Variants in TMEM130 observed in about 807,000 individuals in gnomAD.
TMEM130 encodes the protein transmembrane protein 130.
In TMEM130, 37 loss-of-function variants were observed where a neutral mutation model predicts 42.9. The observed-to-expected ratio is 0.86, with a 90% CI of 0.66 to 1.13. The LOEUF (loss-of-function observed/expected upper bound fraction) is 1.13. Ranked by LOEUF, TMEM130 falls within the 50% of genes most tolerant of loss-of-function variation. The pLI, the probability that TMEM130 is intolerant of heterozygous loss-of-function variation, is 0.00. For missense variants in TMEM130, 545 were observed against 562.6 expected, an observed-to-expected ratio of 0.97 and a Z score of 0.32; for synonymous variants, 259 against 237.7, an observed-to-expected ratio of 1.09 and a Z score of -0.82.
chr7:98,854,364 G>A (rs1210665574), intron 5 of TMEM130, among the ~76,000 whole-genome samples: 1 of 150,536 alleles, frequency 6.6e-6, no homozygotes, highest in Non-Finnish European at 1.5e-5. Flanking sequence ...CTCAACAGGA[G>A]GGATCCCTCC....
rs782686565 is a variant in TMEM130, at chr7:98,856,077, C to T, written c.658G>A (p.Asp220Asn). 6.2e-7 allele frequency: 1 copy of T among 1,613,780 alleles called. No homozygotes were observed. The highest frequency in any genetic ancestry group is 1.7e-5 in the Admixed American group (1 of 59,988). Reference sequence around the variant, plus strand: ...TTCTGCTTCACAGCCCTCGTGGCATCCGGCTCCACCTCTTCCCACTCCGCC... The same window carrying T: ...TTCTGCTTCACAGCCCTCGTGGCATTCGGCTCCACCTCTTCCCACTCCGCC... ...VVAEWEEVEP[D>N]ATRAVKQKTG... The change falls in exon 4 of 8, where the codon GAT becomes AAT. Residue 220 changes from aspartate (D) to asparagine (N), a missense_variant. By Grantham distance (23) the Asp-to-Asn change is conservative. Coordinates refer to ENST00000339375, the MANE Select transcript of TMEM130 (RefSeq NM_152913.3).
In TMEM130 at chr7:98,869,090, C is replaced by T; in HGVS notation, c.85+687G>A. On this transcript the variant is annotated intron_variant, in intron 1 of 7. Coordinates refer to ENST00000339375, the MANE Select transcript of TMEM130 (RefSeq NM_152913.3). This position sits in a 1 kb window ranked among gnomAD's most constrained non-coding sequence, Gnocchi z 4.7. Reference sequence around the variant, plus strand: ...CCTCGAATAGTCTTAAATCTGGGTCCTTTTATGGTTCCCAAAATGTGGCAG... The same window carrying T: ...CCTCGAATAGTCTTAAATCTGGGTCTTTTTATGGTTCCCAAAATGTGGCAG... The T allele has an allele frequency of 2.9e-6, 3 of 1,044,854 alleles. No homozygotes were observed. Among genetic ancestry groups the T allele is most frequent in the Non-Finnish European group, 3.7e-6 (3 of 802,898 alleles). The allele number at this position is 1,044,854 out of a possible 1,614,324, so 64.7% of individuals were successfully genotyped here.
chr7:98,851,545 C>G lies in TMEM130; in HGVS notation c.882G>C (p.Val294=). 6.2e-7 allele frequency: 1 copy of G among 1,614,086 alleles called. No homozygotes were observed. The highest frequency in any genetic ancestry group is 8.5e-7 in the Non-Finnish European group (1 of 1,180,032). The change falls in exon 6 of 8, where the codon GTG becomes GTC. Residue 294 remains valine (V), a synonymous_variant. Coordinates refer to ENST00000339375, the MANE Select transcript of TMEM130 (RefSeq NM_152913.3). ...LEEGECHPVS[V]ASTAYNLTHT... is the part of the protein sequence containing the mutation. Reference sequence around the variant, plus strand: ...GGGTCAGGTTGTACGCTGTGCTGGCCACGGACACAGGGTGGCACTCCCCTT... The same window carrying G: ...GGGTCAGGTTGTACGCTGTGCTGGCGACGGACACAGGGTGGCACTCCCCTT...
intron 1 of TMEM130, among the ~76,000 whole-genome samples, chr7:98,865,635 T>A (rs911963855): frequency 1.6e-4 from 24 of 152,248 alleles, no homozygotes; most frequent in Non-Finnish European, 3.4e-4. Context: ...AAAGGCCAAC[T>A]ATTTGACCTT....
chr7:98,863,394 T>C lies in TMEM130; in HGVS notation c.92A>G (p.Tyr31Cys), dbSNP rs377677995. Reference sequence around the variant, plus strand: ...GCTATCGGTGGTGAGATTGAGTTCATACAGGCCTAGGAGCCCAGAAACAAA... The same window carrying C: ...GCTATCGGTGGTGAGATTGAGTTCACACAGGCCTAGGAGCCCAGAAACAAA... ...WAPAGVAAGL[Y>C]ELNLTTDSPA... Residue 31 changes from tyrosine (Y) to cysteine (C), a missense_variant, in exon 2 of 8, where the codon TAT becomes TGT. Coordinates refer to ENST00000339375, the MANE Select transcript of TMEM130 (RefSeq NM_152913.3). 14 of 1,587,430 alleles carry C rather than the reference T, an allele frequency of 8.8e-6. No individual in the cohort carries two copies. The highest frequency in any genetic ancestry group is 2.2e-5 in the East Asian group (1 of 44,656).
chr7:98,861,483 G>A (rs975703520), intron 2 of TMEM130, among the ~76,000 whole-genome samples: 5 of 152,206 alleles, frequency 3.3e-5, no homozygotes, highest in African/African-American at 1.2e-4. Flanking sequence ...GGGAGACTGA[G>A]GTGGGCAGAT....
rs782243732 is a variant in TMEM130 at position 98,848,220 on chromosome 7, T to G, written c.1120-12A>C. 1.1e-5 allele frequency: 18 copies of G among 1,613,614 alleles called. No individual in the cohort carries two copies. The African/African-American group carries it at 2.0e-4, about 18-fold the overall frequency. Reference sequence around the variant, plus strand: ...GGTGGCTCCGGGTTCTTGTCAGACATGGGGGAAAAGTCAAAATCAGCCACC... The same window carrying G: ...GGTGGCTCCGGGTTCTTGTCAGACAGGGGGGAAAAGTCAAAATCAGCCACC... On this transcript the variant is annotated splice_polypyrimidine_tract_variant and intron_variant, in intron 7 of 7. Coordinates refer to ENST00000339375, the MANE Select transcript of TMEM130 (RefSeq NM_152913.3).
intron 1 of TMEM130, among the ~76,000 whole-genome samples, chr7:98,865,640 G>C (rs782043403): frequency 6.6e-6 from 1 of 152,038 alleles, no homozygotes; most frequent in Non-Finnish European, 1.5e-5. Context: ...CCAACTATTT[G>C]ACCTTGTGGT....
chr7:98,869,236 G>A lies in TMEM130; in HGVS notation c.85+541C>T, dbSNP rs782138152. Reference sequence around the variant, plus strand: ...AACCTGTCAGCTCCGGGTCCATTTTGGAAATCACCACCAGAGAGGAAATGG... The same window carrying A: ...AACCTGTCAGCTCCGGGTCCATTTTAGAAATCACCACCAGAGAGGAAATGG... On this transcript the variant is annotated intron_variant, in intron 1 of 7. Transcript: ENST00000339375. This position sits in a 1 kb window ranked among gnomAD's most constrained non-coding sequence, Gnocchi z 4.7. The A allele has an allele frequency of 3.9e-6, 5 of 1,288,770 alleles. No individual in the cohort carries two copies. The highest frequency in any genetic ancestry group is 4.0e-6 in the Non-Finnish European group (4 of 988,698). 79.8% of individuals were successfully genotyped at this position (1,288,770 alleles called of 1,614,324 possible).
chr7:98,861,105 C>T lies in TMEM130; in HGVS notation c.392-767G>A, dbSNP rs530883547. ...ATCCCAACACTTTGGGAGGCCAACA[C>T]GGGCAGATCACGAGGTCAGGAGATC... On this transcript the variant is annotated intron_variant, in intron 2 of 7. Coordinates refer to ENST00000339375, the MANE Select transcript of TMEM130 (RefSeq NM_152913.3). 6.7e-5 allele frequency among the ~76,000 whole-genome samples: 10 copies of T among 149,774 alleles called. 1 individual carries two copies. Among genetic ancestry groups the T allele is most frequent in the African/African-American group, 2.2e-4 (9 of 40,716 alleles).
At position 98,848,343 on chromosome 7, in the gene TMEM130, A is replaced by T. The variant is rs1280662195; in HGVS notation, c.1120-135T>A. The T allele has an allele frequency of 2.9e-6, 3 of 1,047,520 alleles. No individual in the cohort carries two copies. The African/African-American group carries it at 4.8e-5, about 17-fold the overall frequency. The allele number at this position is 1,047,520 out of a possible 1,614,324, so 64.9% of individuals were successfully genotyped here. ...CTGCCTGGTGGCAGAGTGCACAGAA[A>T]CACCTTTCTGGCACCACACAGATGC... On this transcript the variant is annotated intron_variant, in intron 7 of 7. Transcript: ENST00000339375.
intron 5 of TMEM130, among the ~76,000 whole-genome samples, chr7:98,851,868 C>T (rs1033587578): frequency 6.6e-6 from 1 of 152,156 alleles, no homozygotes; most frequent in Non-Finnish European, 1.5e-5. Context: ...AGACTGCTCA[C>T]TGGAGGCAGG....
intron 1 of TMEM130, among the ~76,000 whole-genome samples, chr7:98,865,239 C>T (rs782627922): frequency 7.0e-4 from 106 of 152,202 alleles, no homozygotes; most frequent in Non-Finnish European, 1.2e-3. Context: ...CCATCCCTAC[C>T]GTGTTGGGAG....
At chr7:98,850,273 A>ATATATTTTTTTTTTTTTTTTTTT in intron 6 of TMEM130, among the ~76,000 whole-genome samples, 24 of 35,442 alleles carry the variant, frequency 6.8e-4, no homozygotes, top group African/African-American at 1.7e-3. Context: ...ATATATATAT[A>ATATATTTTTTTTTTTTTTTTTTT]TTTTTTTTTT....
chr7:98,855,530 G>C (rs1300801814), intron 4 of TMEM130, among the ~76,000 whole-genome samples: 1 of 152,220 alleles, frequency 6.6e-6, no homozygotes, highest in African/African-American at 2.4e-5. Flanking sequence ...AGGAAAGTAG[G>C]AAAGGCAGGC....
intron 1 of TMEM130, among the ~76,000 whole-genome samples, chr7:98,864,334 T>C (rs1201894924): frequency 6.6e-6 from 1 of 151,686 alleles, no homozygotes. Flanking sequence ...GCCTGCCAAG[T>C]AGCTGTGACT....
rs183820972 is a variant in TMEM130, at chr7:98,862,865, T to C, written c.391+230A>G. 7.9e-5 allele frequency among the ~76,000 whole-genome samples: 12 copies of C among 152,296 alleles called. No homozygotes were observed. In the East Asian group the frequency reaches 2.3e-3, roughly 29 times the overall value. On this transcript the variant is annotated intron_variant, in intron 2 of 7. Transcript: ENST00000339375. ...GTCGCTCTCCACAGGGTTGTATTAA[T>C]GTATACCCTCAGCAGCAATAGGCGT...
chr7:98,863,444 G>T, intron 1 of TMEM130, 44 bp from the exon 2 acceptor site: 2 of 1,499,318 alleles, frequency 1.3e-6, no homozygotes, highest in Non-Finnish European at 1.8e-6. Context: ...ATGGTGTGTG[G>T]CAAGGAGCCC....
At position 98,869,664 on chromosome 7, in the gene TMEM130, G is replaced by T. The variant is rs1204254575; in HGVS notation, c.85+113C>A. 1 of 779,508 alleles carries T rather than the reference G, an allele frequency of 1.3e-6. No individual in the cohort carries two copies. Among genetic ancestry groups the T allele is most frequent in the African/African-American group, 1.8e-5 (1 of 54,744 alleles). 48.3% of individuals were successfully genotyped at this position (779,508 alleles called of 1,614,324 possible). Reference sequence around the variant, plus strand: ...AGCCGAGGAGGGAGATGCGCGCAGGGCGCACGGTGCCACCTCCGCAATCCC... The same window carrying T: ...AGCCGAGGAGGGAGATGCGCGCAGGTCGCACGGTGCCACCTCCGCAATCCC... On this transcript the variant is annotated intron_variant, in intron 1 of 7. Coordinates refer to ENST00000339375, the MANE Select transcript of TMEM130 (RefSeq NM_152913.3). The surrounding 1 kb of genome is among the most constrained non-coding windows in gnomAD (Gnocchi z 4.7).
Sources: allele counts gnomAD v4.1 joint callset (sites outside exome capture counted in the v4.1 genomes callset), GRCh38; gene constraint gnomAD v4.1.1; non-coding constraint Gnocchi (gnomAD v3.1); transcripts MANE v1.5; gene names NCBI Gene and HGNC (gene_info 2026-07-23, HGNC 2026-07-21).